The following COLEC11 variants were observed in gnomAD, a reference collection of about 807,000 sequenced individuals.
The protein encoded by COLEC11 is collectin subfamily member 11, also known as collectin-11.
COLEC11 carries 20 observed loss-of-function variants against 27.3 expected under a neutral mutation model. The observed-to-expected ratio is 0.73, with a 90% CI of 0.51 to 1.06. The LOEUF is 1.06. COLEC11 is among the 50% of genes least tolerant of loss of function. The probability of loss-of-function intolerance (pLI) is 0.00; values close to 1 mark genes in which losing one functional copy is unlikely to be tolerated. For synonymous variants in COLEC11, 163 were observed against 154.7 expected, an observed-to-expected ratio of 1.05 and a Z score of -0.40; for missense variants, 310 against 383.0, an observed-to-expected ratio of 0.81 and a Z score of 1.59.
At position 3,600,189 on chromosome 2, in the gene COLEC11, C is replaced by G. The variant is rs903542959; in HGVS notation, c.-26-4126C>G. Among the ~76,000 whole-genome samples, 49 of 147,150 alleles carry G rather than the reference C, an allele frequency of 3.3e-4. 1 individual carries two copies. The highest frequency in any genetic ancestry group is 1.0e-3 in the African/African-American group (41 of 39,574). ...GGCAGAGCTTGCAGTGAGCTGAGAT[C>G]GAGCCACTGCACCCCAGCCTGGGTG... On this transcript the variant is annotated intron_variant, in intron 1 of 6. Coordinates refer to ENST00000349077, the MANE Select transcript of COLEC11 (RefSeq NM_024027.5).
intron 3 of COLEC11, among the ~76,000 whole-genome samples, chr2:3,624,639 G>A (rs1664403925): frequency 6.6e-6 from 1 of 152,202 alleles, no homozygotes; most frequent in Non-Finnish European, 1.5e-5. Context: ...GCTTACAGTT[G>A]TGGGAAACGG....
intron 2 of COLEC11, chr2:3,606,286 G>C (rs1463547099): frequency 1.3e-6 from 2 of 1,509,002 alleles, no homozygotes; most frequent in South Asian, 1.2e-5. Flanking sequence ...TGGGCTCCAG[G>C]GTCCTTTCTG....
intron 5 of COLEC11, 113 bp from the exon 6 acceptor site, chr2:3,643,331 C>T: frequency 2.2e-6 from 2 of 897,352 alleles, no homozygotes; most frequent in Non-Finnish European, 3.7e-6. Context: ...CCTCAAAGGC[C>T]CGTGGGGCAC....
intron 5 of COLEC11, among the ~76,000 whole-genome samples, chr2:3,642,679 G>T (rs972879965): frequency 2.0e-5 from 3 of 152,168 alleles, no homozygotes; most frequent in Admixed American, 6.5e-5. Flanking sequence ...CATTCCTGCC[G>T]CATCATCCAG....
chr2:3,620,406 A>G (rs2312927), intron 3 of COLEC11, among the ~76,000 whole-genome samples: 102,600 of 151,844 alleles, frequency 0.68, 35,326 homozygotes, highest in South Asian at 0.83. Context: ...TAATTTCTCC[A>G]TTGCATTTCT....
At chr2:3,641,406 G>A (rs1477585029) in intron 5 of COLEC11, 1 of 1,294,710 alleles carries the variant, frequency 7.7e-7, no homozygotes, top group African/African-American at 1.5e-5. Flanking sequence ...CCCGGACAAA[G>A]CCTCTGGGAG....
intron 2 of COLEC11, among the ~76,000 whole-genome samples, chr2:3,610,722 C>A (rs115078594): frequency 0.024 from 3,702 of 152,290 alleles, 159 homozygotes; most frequent in African/African-American, 0.082. Context: ...CAGAACACTT[C>A]TTACTCTGTG....
intron 3 of COLEC11, among the ~76,000 whole-genome samples, chr2:3,634,954 T>C (rs1665276444): frequency 6.6e-6 from 1 of 151,876 alleles, no homozygotes; most frequent in African/African-American, 2.4e-5. Flanking sequence ...GCTGTGCCCC[T>C]GCCTGCCCCG....
chr2:3,641,550 C>T (rs1368776308), intron 5 of COLEC11: 3 of 602,170 alleles, frequency 5.0e-6, no homozygotes, highest in Non-Finnish European at 7.3e-6. Flanking sequence ...ATCCACTTCC[C>T]CTGACAGGGA....
intron 2 of COLEC11, among the ~76,000 whole-genome samples, chr2:3,612,981 G>A (rs1286049286): frequency 6.6e-6 from 1 of 152,150 alleles, no homozygotes; most frequent in Non-Finnish European, 1.5e-5. Flanking sequence ...CTTCTCATTG[G>A]TGTTAGGGTT....
At chr2:3,611,589 C>G (rs768423111) in intron 2 of COLEC11, among the ~76,000 whole-genome samples, 1 of 152,196 alleles carries the variant, frequency 6.6e-6, no homozygotes, top group Non-Finnish European at 1.5e-5. Context: ...GATAAGAAAG[C>G]AAACTTGAGA....
rs1371760612 is a variant in COLEC11, at chr2:3,644,381, A to T, written c.*263A>T. 4.6e-6 allele frequency: 3 copies of T among 647,792 alleles called. No individual in the cohort carries two copies. The highest frequency in any genetic ancestry group is 5.7e-6 in the Non-Finnish European group (2 of 352,286). 40.1% of individuals were successfully genotyped at this position (647,792 alleles called of 1,614,324 possible). ...TGTCATTATGTAATTATTACCCAGA[A>T]TTGCTCTTCCATAAAGCTTGTGCCT... On this transcript the variant is annotated 3_prime_UTR_variant, in exon 7 of 7. Coordinates refer to ENST00000349077, the MANE Select transcript of COLEC11 (RefSeq NM_024027.5).
intron 4 of COLEC11, among the ~76,000 whole-genome samples, chr2:3,638,461 T>C (rs1665600862): frequency 6.6e-6 from 1 of 152,180 alleles, no homozygotes; most frequent in Non-Finnish European, 1.5e-5. Flanking sequence ...GGAGGGAGTC[T>C]GCTGTGGTCT....
chr2:3,630,332 GA>G (rs1187311853), intron 3 of COLEC11, among the ~76,000 whole-genome samples: 2 of 152,312 alleles, frequency 1.3e-5, no homozygotes, highest in South Asian at 2.1e-4. Context: ...AAAGTTTGTG[GA>G]AAAGTGGAAT....
intron 5 of COLEC11, among the ~76,000 whole-genome samples, chr2:3,642,940 G>A (rs927603682): frequency 6.6e-6 from 1 of 152,126 alleles, no homozygotes. Context: ...ACATGTCACA[G>A]GCACCTGAGT....
chr2:3,603,947 C>T (rs1172985934), intron 1 of COLEC11: 4 of 570,874 alleles, frequency 7.0e-6, no homozygotes, highest in African/African-American at 1.9e-5. Flanking sequence ...CCCAGCTCTG[C>T]AGAGGCTCCA....
intron 3 of COLEC11, among the ~76,000 whole-genome samples, chr2:3,616,676 G>T (rs1663767495): frequency 6.6e-6 from 1 of 152,224 alleles, no homozygotes; most frequent in Admixed American, 6.5e-5. Context: ...GGAGAACCAG[G>T]CAGGGAGGTT....
At chr2:3,632,918 C>T (rs759345016) in intron 3 of COLEC11, among the ~76,000 whole-genome samples, 8 of 152,012 alleles carry the variant, frequency 5.3e-5, no homozygotes, top group African/African-American at 1.2e-4. Flanking sequence ...GGCTGAGGAG[C>T]GACGTGTCAG....
chr2:3,605,303 AG>A (rs1662564667), intron 2 of COLEC11, among the ~76,000 whole-genome samples: 2 of 94,578 alleles, frequency 2.1e-5, no homozygotes, highest in Non-Finnish European at 4.1e-5. Context: ...GGTGCCGAGG[AG>A]GGGGCGGGGG....
Sources: allele counts gnomAD v4.1 joint callset (sites outside exome capture counted in the v4.1 genomes callset), GRCh38; gene constraint gnomAD v4.1.1; transcripts MANE v1.5; gene names NCBI Gene and HGNC (gene_info 2026-07-23, HGNC 2026-07-21).